The following RARB variants were observed in gnomAD, a reference collection of about 807,000 sequenced individuals.
The protein encoded by RARB is HBV-activated protein.
Under a neutral mutation model 51.9 loss-of-function variants are expected in RARB, and 17 were observed. The ratio of observed to expected loss-of-function variants is 0.33; its 90% CI spans 0.22 to 0.49. The LOEUF is 0.49. Among genes scored for constraint, RARB ranks in the 20% least tolerant of loss-of-function variants. The pLI is 0.99. For missense variants in RARB, 369 were observed against 550.8 expected (o/e 0.67, Z 3.30); for synonymous variants, 215 against 195.4 (o/e 1.10, Z -0.84).
intron 1 of RARB, among the ~76,000 whole-genome samples, chr3:24,842,331 ATTTC>A (rs938591006): frequency 2.0e-5 from 3 of 152,142 alleles, no homozygotes; most frequent in Non-Finnish European, 4.4e-5. Flanking sequence ...TATCGTTTTG[ATTTC>A]TTTATTTCCT....
intron 5 of RARB, among the ~76,000 whole-genome samples, chr3:25,371,408 C>A (rs1233214408): frequency 6.6e-6 from 1 of 152,144 alleles, no homozygotes; most frequent in African/African-American, 2.4e-5. Context: ...GATTTAATTT[C>A]TTGGGAGATG....
At chr3:25,488,301 G>A (rs1177059493) in intron 2 of RARB, among the ~76,000 whole-genome samples, 1 of 152,186 alleles carries the variant, frequency 6.6e-6, no homozygotes, top group Non-Finnish European at 1.5e-5. Flanking sequence ...CGAGGAAGAA[G>A]GCCAGCCATG....
At chr3:25,368,321 A>C (rs1048185721) in intron 5 of RARB, among the ~76,000 whole-genome samples, 1 of 152,188 alleles carries the variant, frequency 6.6e-6, no homozygotes, top group Non-Finnish European at 1.5e-5. Context: ...TTTTAGAAAA[A>C]TGGAAGAATT....
At chr3:25,370,280 A>C (rs989619290) in intron 5 of RARB, among the ~76,000 whole-genome samples, 1 of 152,246 alleles carries the variant, frequency 6.6e-6, no homozygotes, top group Non-Finnish European at 1.5e-5. Context: ...AATTAAAATT[A>C]GTAAAAATTG....
chr3:25,211,707 T>C (rs1166109735), intron 5 of RARB, among the ~76,000 whole-genome samples: 2 of 152,150 alleles, frequency 1.3e-5, no homozygotes, highest in Non-Finnish European at 1.5e-5. Context: ...GAGGGAGTCA[T>C]GTGGTCTTTT....
intron 3 of RARB, among the ~76,000 whole-genome samples, chr3:25,073,907 A>C (rs180715066): frequency 6.6e-6 from 1 of 152,294 alleles, no homozygotes; most frequent in East Asian, 1.9e-4. Flanking sequence ...TTTTAAATTG[A>C]AAGTATGTCA....
intron 1 of RARB, among the ~76,000 whole-genome samples, chr3:25,439,748 G>A (rs6785386): frequency 0.061 from 9,221 of 152,224 alleles, 451 homozygotes; most frequent in African/African-American, 0.12. Context: ...TTCATATACC[G>A]TATTCTACCT....
chr3:25,565,167 C>A (rs1047660105), intron 3 of RARB, among the ~76,000 whole-genome samples: 3 of 152,174 alleles, frequency 2.0e-5, no homozygotes, highest in Admixed American at 6.5e-5. Context: ...TCAGACGCAG[C>A]GGAGCACAGT....
chr3:24,939,846 T>C (rs1193980629), intron 2 of RARB, among the ~76,000 whole-genome samples: 1 of 152,232 alleles, frequency 6.6e-6, no homozygotes, highest in Non-Finnish European at 1.5e-5. Flanking sequence ...TACATGAACA[T>C]GTGTGGTATG....
intron 2 of RARB, among the ~76,000 whole-genome samples, chr3:25,481,558 A>G (rs1426601968): frequency 6.6e-6 from 1 of 152,240 alleles, no homozygotes; most frequent in Non-Finnish European, 1.5e-5. Context: ...TTAAGCATGC[A>G]GAGCCTGTCT....
At chr3:24,900,286 T>TA (rs5847325) in intron 2 of RARB, among the ~76,000 whole-genome samples, 22,461 of 151,668 alleles carry the variant, frequency 0.15, 3,098 homozygotes, top group East Asian at 0.5. Context: ...TTTTCCTTTG[T>TA]AAAAAAAAAT....
chr3:25,382,177 T>C (rs1315202854), intron 5 of RARB, among the ~76,000 whole-genome samples: 2 of 152,086 alleles, frequency 1.3e-5, no homozygotes, highest in Non-Finnish European at 2.9e-5. Flanking sequence ...AACAAAGAGA[T>C]GTTCTTTATT....
intron 5 of RARB, among the ~76,000 whole-genome samples, chr3:25,411,834 C>A (rs1707570221): frequency 6.6e-6 from 1 of 152,126 alleles, no homozygotes; most frequent in African/African-American, 2.4e-5. Context: ...TACCCAACTT[C>A]CAGCAAGTCA....
chr3:25,038,104 C>T (rs904670849), intron 2 of RARB, among the ~76,000 whole-genome samples: 10 of 152,236 alleles, frequency 6.6e-5, no homozygotes, highest in South Asian at 2.1e-4. Context: ...TAAAGCATAG[C>T]CTACCCTAAC....
At chr3:25,540,474 CTT>C (rs560427063) in intron 3 of RARB, among the ~76,000 whole-genome samples, 1 of 152,184 alleles carries the variant, frequency 6.6e-6, no homozygotes, top group African/African-American at 2.4e-5. Flanking sequence ...TGGATAGACA[CTT>C]TGTTATTTTT....
chr3:25,482,246 T>C (rs1321163153), intron 2 of RARB, among the ~76,000 whole-genome samples: 1 of 152,192 alleles, frequency 6.6e-6, no homozygotes, highest in Non-Finnish European at 1.5e-5. Flanking sequence ...TTTGTCGCAA[T>C]AAAAATATGA....
At position 25,596,737 on chromosome 3, in the gene RARB, G is replaced by T; in HGVS notation, c.*121G>T. On this transcript the variant is annotated 3_prime_UTR_variant, in exon 8 of 8. Transcript: ENST00000330688. ...CTGAAAAGATATTAAAACTCAAGAA[G>T]GACCAAGAAGTTTTCATATGTATCA... The T allele has an allele frequency of 1.1e-6, 1 of 883,350 alleles. No homozygotes were observed. Among genetic ancestry groups the T allele is most frequent in the South Asian group, 2.3e-5 (1 of 44,416 alleles). 54.7% of individuals were successfully genotyped at this position (883,350 alleles called of 1,614,324 possible).
At chr3:25,329,425 A>G (rs1704825397) in intron 5 of RARB, among the ~76,000 whole-genome samples, 1 of 152,208 alleles carries the variant, frequency 6.6e-6, no homozygotes, top group African/African-American at 2.4e-5. Context: ...GCAAACTCCA[A>G]CAGACCTGCA....
At chr3:25,431,627 C>G (rs1018311942) in intron 1 of RARB, among the ~76,000 whole-genome samples, 7 of 152,114 alleles carry the variant, frequency 4.6e-5, no homozygotes, top group Non-Finnish European at 7.4e-5. Flanking sequence ...TAGGATAAAT[C>G]TTAATATTTT....
Sources: allele counts gnomAD v4.1 joint callset (sites outside exome capture counted in the v4.1 genomes callset), GRCh38; gene constraint gnomAD v4.1.1; transcripts MANE v1.5; gene names NCBI Gene and HGNC (gene_info 2026-07-23, HGNC 2026-07-21).